DDX50: variants seen among roughly 807,000 people sequenced by gnomAD.
The protein encoded by DDX50 is ATP-dependent RNA helicase DDX50.
In DDX50, 56 loss-of-function variants were observed where a neutral mutation model predicts 94.8. That is an observed-to-expected ratio of 0.59 (90% CI 0.48 to 0.74). The LOEUF (loss-of-function observed/expected upper bound fraction) is 0.74, where lower values mean the gene tolerates loss of function less well. Among genes scored for constraint, DDX50 ranks in the 30% least tolerant of loss-of-function variants. The pLI, the probability that DDX50 is intolerant of heterozygous loss-of-function variation, is 0.00. For synonymous variants in DDX50, 264 were observed against 295.4 expected, an observed-to-expected ratio of 0.89 and a Z score of 1.09; for missense variants, 713 against 881.2, an observed-to-expected ratio of 0.81 and a Z score of 2.42.
At chr10:68,943,949 C>T (rs918037251) in intron 14 of DDX50, among the ~76,000 whole-genome samples, 2 of 152,104 alleles carry the variant, frequency 1.3e-5, no homozygotes, top group African/African-American at 2.4e-5. Flanking sequence ...TCTCCATGTA[C>T]CCAACACTCA....
At position 68,934,425 on chromosome 10, in the gene DDX50, A is replaced by G. The variant is rs968583744; in HGVS notation, c.1401+65A>G. The stretch of plus-strand genomic sequence containing the variant: ...TTTATAAATTCCCATTTAATTTACA[A>G]CATATTGCTTGGGATGTGAAAAATA... On this transcript the variant is annotated intron_variant, in intron 9 of 14. Transcript: ENST00000373585. This position sits in a 1 kb window ranked among gnomAD's most constrained non-coding sequence, Gnocchi z 4.0. The G allele has an allele frequency of 2.5e-6, 4 of 1,595,788 alleles. No individual in the cohort carries two copies. The African/African-American group carries it at 4.1e-5, about 16-fold the overall frequency.
chr10:68,916,978 G>A (rs1030279292), intron 7 of DDX50, among the ~76,000 whole-genome samples: 8 of 152,012 alleles, frequency 5.3e-5, no homozygotes, highest in South Asian at 2.1e-4. Context: ...GAGCCACTGC[G>A]CCTGGCATAG....
chr10:68,913,412 T>C lies in DDX50; in HGVS notation c.779T>C (p.Ile260Thr). Residue 260 changes from isoleucine to threonine, a missense_variant, in exon 6 of 15, where the codon ATT (isoleucine) becomes ACT (threonine). Coordinates refer to ENST00000373585, the MANE Select transcript of DDX50 (RefSeq NM_024045.2). ...ACAGTTAATCATATTCGAAATGGTA[T>C]TGACATCTTGGTTGGAACACCTGGT... Reference protein sequence around the residue: ...QSQINHIRNGIDILVGTPGRI... With the variant: ...QSQINHIRNGTDILVGTPGRI... 1 of 1,613,488 alleles carries C rather than the reference T, an allele frequency of 6.2e-7. No homozygotes were observed. Among genetic ancestry groups the C allele is most frequent in the Non-Finnish European group, 8.5e-7 (1 of 1,179,832 alleles).
intron 1 of DDX50, among the ~76,000 whole-genome samples, chr10:68,903,927 G>A (rs1469159651): frequency 6.9e-6 from 1 of 144,756 alleles, no homozygotes; most frequent in Non-Finnish European, 1.5e-5. Context: ...AGTGAGCCGA[G>A]ATCGCACCAT....
chr10:68,930,657 G>GT (rs146583869), intron 8 of DDX50, among the ~76,000 whole-genome samples: 9,005 of 151,608 alleles, frequency 0.059, 867 homozygotes, highest in African/African-American at 0.2. Context: ...CCATGGTTTT[G>GT]TTTTTTTTGG....
Position 68,915,057 on chromosome 10 carries a change from A to G in DDX50, c.1089+853A>G, listed in dbSNP as rs111845705. On this transcript the variant is annotated intron_variant, in intron 7 of 14. Coordinates refer to ENST00000373585, the MANE Select transcript of DDX50 (RefSeq NM_024045.2). ...AAAAAACCACAGAAGTCAGAAGAAG[A>G]ATCCATAAAGGAAAAGGTTTATAAT... is the stretch of plus-strand genomic sequence containing the variant. Among the ~76,000 whole-genome samples the G allele has an allele frequency of 3.3e-3, 503 of 150,908 alleles. 6 individuals are homozygous for G. Among genetic ancestry groups the G allele is most frequent in the African/African-American group, 0.011 (463 of 41,120 alleles).
At chr10:68,936,488 CAAAAAAAAAAAAAA>C (rs1212336346) in intron 11 of DDX50, among the ~76,000 whole-genome samples, 1 of 26,822 alleles carries the variant, frequency 3.7e-5, no homozygotes, top group African/African-American at 1.1e-4. Context: ...GACTCTGTCT[CAAAAAAAAAAAAAA>C]AAAAAAAAAA....
At chr10:68,908,235 G>T (rs1841515929) in intron 2 of DDX50, among the ~76,000 whole-genome samples, 1 of 152,106 alleles carries the variant, frequency 6.6e-6, no homozygotes, top group African/African-American at 2.4e-5. Context: ...TGGATCACCT[G>T]AGATCAGGAG....
chr10:68,902,449 C>T (rs1384807937), intron 1 of DDX50, among the ~76,000 whole-genome samples: 2 of 152,184 alleles, frequency 1.3e-5, no homozygotes, highest in East Asian at 1.9e-4. Flanking sequence ...TTTCAGCTAA[C>T]ACTTTTATTG....
At chr10:68,907,381 T>C (rs943834193) in intron 2 of DDX50, among the ~76,000 whole-genome samples, 14 of 143,972 alleles carry the variant, frequency 9.7e-5, no homozygotes, top group Non-Finnish European at 2.1e-4. Context: ...AATGGCACAA[T>C]CTCAGCTCAT....
At chr10:68,912,929 G>A (rs1841674331) in intron 4 of DDX50, among the ~76,000 whole-genome samples, 1 of 152,162 alleles carries the variant, frequency 6.6e-6, no homozygotes, top group African/African-American at 2.4e-5. Context: ...AAGAGGGGCA[G>A]GGGGATATGA....
intron 1 of DDX50, among the ~76,000 whole-genome samples, chr10:68,905,361 A>AG (rs1841417413): frequency 6.6e-6 from 1 of 152,198 alleles, no homozygotes; most frequent in African/African-American, 2.4e-5. Context: ...TAAAAAAAAA[A>AG]AAAAAATCCA....
rs181581882 is a variant in DDX50 at position 68,945,526 on chromosome 10, C to T, written c.1936-826C>T. 2.8e-4 allele frequency among the ~76,000 whole-genome samples: 43 copies of T among 152,104 alleles called. 1 individual carries two copies. Among genetic ancestry groups the T allele is most frequent in the Admixed American group, 2.6e-3 (39 of 15,256 alleles). On this transcript the variant is annotated intron_variant, in intron 14 of 14. Transcript: ENST00000373585. ...TTTACCACGTTGGCCAGGCTGGTCT[C>T]GAACTTCTGACCTCAAGTGATCTGC... is the stretch of plus-strand genomic sequence containing the variant.
intron 11 of DDX50, among the ~76,000 whole-genome samples, chr10:68,936,624 A>G (rs751774655): frequency 4.9e-5 from 7 of 143,106 alleles, no homozygotes; most frequent in African/African-American, 1.8e-4. Flanking sequence ...AGATTGCTTG[A>G]GCTTAGGAGT....
chr10:68,943,918 A>G (rs1842606858), intron 14 of DDX50, among the ~76,000 whole-genome samples: 1 of 152,176 alleles, frequency 6.6e-6, no homozygotes, highest in Non-Finnish European at 1.5e-5. Flanking sequence ...TATTTTTTAG[A>G]TGAGGGACTT....
chr10:68,907,882 T>A (rs901393856), intron 2 of DDX50, among the ~76,000 whole-genome samples: 1 of 152,178 alleles, frequency 6.6e-6, no homozygotes, highest in African/African-American at 2.4e-5. Context: ...TGTATTATAA[T>A]AGGTTTAACA....
At chr10:68,915,367 C>T (rs556028407) in intron 7 of DDX50, among the ~76,000 whole-genome samples, 97 of 150,604 alleles carry the variant, frequency 6.4e-4, no homozygotes, top group Admixed American at 2.8e-3. Context: ...GAGCCAAGAT[C>T]GCGCCACTGC....
rs187998417 is a variant in DDX50, at chr10:68,915,489, G to A, written c.1089+1285G>A. Among the ~76,000 whole-genome samples, 21 of 147,338 alleles carry A rather than the reference G, an allele frequency of 1.4e-4. No individual in the cohort carries two copies. In the East Asian group the frequency reaches 1.4e-3, roughly 10 times the overall value. ...TCTGAACACTTTGGGAGGCTGAGGC[G>A]GGCAGATCACGAGGTCAGGAGATCG... is the stretch of plus-strand genomic sequence containing the variant. On this transcript the variant is annotated intron_variant, in intron 7 of 14. Transcript: ENST00000373585.
chr10:68,935,886 G>T (rs1293539231), intron 10 of DDX50, 120 bp from the exon 11 acceptor site: 2 of 697,386 alleles, frequency 2.9e-6, no homozygotes, highest in African/African-American at 1.8e-5. Context: ...CTTTTAATCT[G>T]CTAGGGCTAT....
Sources: allele counts gnomAD v4.1 joint callset (sites outside exome capture counted in the v4.1 genomes callset), GRCh38; gene constraint gnomAD v4.1.1; non-coding constraint Gnocchi (gnomAD v3.1); transcripts MANE v1.5; gene names NCBI Gene and HGNC (gene_info 2026-07-23, HGNC 2026-07-21).